AGBL4: variants seen among roughly 807,000 people sequenced by gnomAD.
The protein encoded by AGBL4 is AGBL carboxypeptidase 4, also known as cytosolic carboxypeptidase 6.
AGBL4 carries 58 observed loss-of-function variants against 66.4 expected under a neutral mutation model. The ratio of observed to expected loss-of-function variants is 0.87; its 90% CI spans 0.71 to 1.09. The LOEUF is 1.09. Ranked by LOEUF, AGBL4 falls within the 50% of genes least tolerant of loss-of-function variation. The pLI is 0.00. For synonymous variants in AGBL4, 234 were observed against 222.9 expected (o/e 1.05, Z -0.44); for missense variants, 579 against 631.0 (o/e 0.92, Z 0.88).
chr1:49,816,270 A>T (rs1645228657), intron 2 of AGBL4, among the ~76,000 whole-genome samples: 1 of 152,154 alleles, frequency 6.6e-6, no homozygotes, highest in African/African-American at 2.4e-5. Flanking sequence ...TGCTTTCAGG[A>T]TTCAGAACTG....
chr1:49,339,838 C>T (rs1270844367), intron 3 of AGBL4, among the ~76,000 whole-genome samples: 1 of 152,180 alleles, frequency 6.6e-6, no homozygotes, highest in African/African-American at 2.4e-5. Flanking sequence ...CATGTATCCT[C>T]ACTCCCTCAC....
intron 6 of AGBL4, among the ~76,000 whole-genome samples, chr1:48,773,711 T>C (rs1644944659): frequency 6.6e-6 from 1 of 152,228 alleles, no homozygotes; most frequent in Non-Finnish European, 1.5e-5. Flanking sequence ...AGTGGGGGCC[T>C]GGCACTGGAA....
At chr1:49,426,710 C>T (rs1645668183) in intron 3 of AGBL4, among the ~76,000 whole-genome samples, 1 of 152,172 alleles carries the variant, frequency 6.6e-6, no homozygotes, top group Non-Finnish European at 1.5e-5. Context: ...GGTACTACTA[C>T]TTATTTTACA....
intron 3 of AGBL4, among the ~76,000 whole-genome samples, chr1:49,357,881 T>C (rs1644052515): frequency 1.3e-5 from 2 of 152,216 alleles, no homozygotes; most frequent in African/African-American, 4.8e-5. Flanking sequence ...AAGTGTGTTA[T>C]ATCTTACTGG....
intron 2 of AGBL4, among the ~76,000 whole-genome samples, chr1:49,700,564 C>A (rs1347926984): frequency 1.3e-5 from 2 of 152,014 alleles, no homozygotes; most frequent in Admixed American, 6.6e-5. Context: ...AATATACATT[C>A]TTTTCAAATG....
At chr1:48,671,783 T>A (rs1033960818) in intron 6 of AGBL4, among the ~76,000 whole-genome samples, 1 of 152,202 alleles carries the variant, frequency 6.6e-6, no homozygotes, top group African/African-American at 2.4e-5. Flanking sequence ...CAATTTGTAT[T>A]CCCAGTGCCT....
intron 1 of AGBL4, among the ~76,000 whole-genome samples, chr1:49,932,534 C>T (rs1372507068): frequency 6.6e-6 from 1 of 151,964 alleles, no homozygotes; most frequent in Non-Finnish European, 1.5e-5. Context: ...GAACATCTAC[C>T]CTTTGAAAGA....
intron 3 of AGBL4, among the ~76,000 whole-genome samples, chr1:49,540,386 A>G (rs1390181113): frequency 6.6e-6 from 1 of 152,202 alleles, no homozygotes; most frequent in Non-Finnish European, 1.5e-5. Flanking sequence ...CTCCTCTGTG[A>G]GGTAGCACCC....
intron 2 of AGBL4, among the ~76,000 whole-genome samples, chr1:49,820,977 G>T (rs1645355045): frequency 6.6e-6 from 1 of 152,122 alleles, no homozygotes; most frequent in African/African-American, 2.4e-5. Flanking sequence ...GGCCACAATA[G>T]ATGTGAAAAC....
chr1:49,576,853 C>T (rs1024444776), intron 3 of AGBL4, among the ~76,000 whole-genome samples: 2 of 152,108 alleles, frequency 1.3e-5, no homozygotes, highest in South Asian at 2.1e-4. Context: ...TGGTTCTGCA[C>T]GATATGTAGA....
At position 49,040,351 on chromosome 1, in the gene AGBL4, C is replaced by T. The variant is rs567073981; in HGVS notation, c.594+5233G>A. On this transcript the variant is annotated intron_variant, in intron 5 of 13. Coordinates refer to ENST00000371839, the MANE Select transcript of AGBL4 (RefSeq NM_032785.4). ...GCTAGCATCTGGGAAAACTGTAACC[C>T]TCCTACATGGCTGATAAGGATATAA... Among the ~76,000 whole-genome samples the T allele has an allele frequency of 2.6e-5, 4 of 152,162 alleles. No individual in the cohort carries two copies. The East Asian group carries it at 7.7e-4, about 29-fold the overall frequency.
chr1:49,363,042 GGAGACA>G (rs1043338014), intron 3 of AGBL4, among the ~76,000 whole-genome samples: 1 of 152,100 alleles, frequency 6.6e-6, no homozygotes, highest in Non-Finnish European at 1.5e-5. Flanking sequence ...TCTCCTGGAT[GGAGACA>G]GAGATGGAGA....
At chr1:48,777,125 C>T (rs908372563) in intron 6 of AGBL4, among the ~76,000 whole-genome samples, 1 of 151,972 alleles carries the variant, frequency 6.6e-6, no homozygotes, top group African/African-American at 2.4e-5. Context: ...CAATCACAGC[C>T]GGAGCGCGAT....
chr1:49,445,150 GT>G (rs915564583), intron 3 of AGBL4, among the ~76,000 whole-genome samples: 38 of 148,120 alleles, frequency 2.6e-4, no homozygotes, highest in African/African-American at 4.7e-4. Flanking sequence ...ATGGCTGACA[GT>G]TTTTTTTTTC....
At chr1:49,585,550 T>C (rs776583167) in intron 3 of AGBL4, among the ~76,000 whole-genome samples, 52 of 152,100 alleles carry the variant, frequency 3.4e-4, no homozygotes, top group Non-Finnish European at 6.0e-4. Flanking sequence ...ACATGCCTAA[T>C]GAGCTTAGAA....
intron 4 of AGBL4, among the ~76,000 whole-genome samples, chr1:49,129,604 A>C (rs1645844810): frequency 6.6e-6 from 1 of 151,676 alleles, no homozygotes; most frequent in Non-Finnish European, 1.5e-5. Flanking sequence ...GAGAATGATG[A>C]TTTCCAATTT....
intron 7 of AGBL4, among the ~76,000 whole-genome samples, chr1:48,658,658 G>C (rs575744547): frequency 1.3e-5 from 2 of 152,186 alleles, no homozygotes; most frequent in South Asian, 4.2e-4. Flanking sequence ...AGTGGATCTA[G>C]CACCACACCT....
chr1:49,490,578 C>T (rs1231622366), intron 3 of AGBL4, among the ~76,000 whole-genome samples: 1 of 151,734 alleles, frequency 6.6e-6, no homozygotes, highest in African/African-American at 2.4e-5. Flanking sequence ...AACTTACAGA[C>T]ATACTTCTCT....
intron 1 of AGBL4, among the ~76,000 whole-genome samples, chr1:49,956,061 A>G (rs1656578365): frequency 6.6e-6 from 1 of 151,898 alleles, no homozygotes; most frequent in Non-Finnish European, 1.5e-5. Context: ...GGTAAATGTT[A>G]TTATTGGCTG....
Sources: allele counts gnomAD v4.1 joint callset (sites outside exome capture counted in the v4.1 genomes callset), GRCh38; gene constraint gnomAD v4.1.1; transcripts MANE v1.5; gene names NCBI Gene and HGNC (gene_info 2026-07-23, HGNC 2026-07-21).